The following FBXW11 variants were observed in gnomAD, a reference collection of about 807,000 sequenced individuals.
The protein encoded by FBXW11 is F-box and WD repeat domain containing 11, also known as F-box/WD repeat-containing protein 11.
FBXW11 carries 19 observed loss-of-function variants against 77.6 expected under a neutral mutation model. The observed-to-expected ratio is 0.24, with a 90% confidence interval of 0.17 to 0.36. FBXW11 has a LOEUF of 0.36. FBXW11 is among the 10% of genes least tolerant of loss of function. The pLI, the probability that FBXW11 is intolerant of heterozygous loss-of-function variation, is 1.00. For missense variants in FBXW11, 334 were observed against 704.2 expected (o/e 0.47, Z 5.95); for synonymous variants, 235 against 249.4 (o/e 0.94, Z 0.54).
chr5:171,884,938 T>C (rs1442691024), intron 7 of FBXW11, among the ~76,000 whole-genome samples: 1 of 152,212 alleles, frequency 6.6e-6, no homozygotes, highest in Non-Finnish European at 1.5e-5. Flanking sequence ...AAGGAAATGC[T>C]ATAAACAGGC....
At chr5:171,916,198 C>T (rs572201656) in intron 2 of FBXW11, among the ~76,000 whole-genome samples, 1 of 148,570 alleles carries the variant, frequency 6.7e-6, no homozygotes, top group African/African-American at 2.5e-5. Context: ...TGTAACAAAC[C>T]TGCACATTGT....
chr5:171,955,412 G>A (rs1561719038), intron 2 of FBXW11, among the ~76,000 whole-genome samples: 2 of 152,106 alleles, frequency 1.3e-5, no homozygotes, highest in Non-Finnish European at 2.9e-5. Flanking sequence ...TTGCTAAAAG[G>A]TGTGCAAAGG....
At chr5:171,958,478 A>T (rs1192437184) in intron 1 of FBXW11, among the ~76,000 whole-genome samples, 1 of 152,182 alleles carries the variant, frequency 6.6e-6, no homozygotes, top group Non-Finnish European at 1.5e-5. Context: ...GTGTCATCAC[A>T]TCTCCACCTT....
In FBXW11 at chr5:171,868,600, T is replaced by C. The variant is rs376839553; in HGVS notation, c.*25+10A>G. ...TCAGCAAAATTGGAAGGGGAGAGGATAGTACTCACCTGAAACGGGTGAAAG... is the reference window on the plus strand; with the variant it reads ...TCAGCAAAATTGGAAGGGGAGAGGACAGTACTCACCTGAAACGGGTGAAAG... On this transcript the variant is annotated intron_variant, in intron 13 of 13. Coordinates refer to ENST00000517395, the MANE Select transcript of FBXW11 (RefSeq NM_001378974.1). 40 of 1,595,002 alleles carry C rather than the reference T, an allele frequency of 2.5e-5. No individual in the cohort carries two copies. The highest frequency in any genetic ancestry group is 1.5e-4 in the African/African-American group (11 of 74,256).
In FBXW11 at chr5:171,876,135, G is replaced by C; in HGVS notation, c.1221+150C>G. On this transcript the variant is annotated intron_variant, in intron 9 of 13. Transcript: ENST00000517395. The surrounding 1 kb of genome is among the most constrained non-coding windows in gnomAD (Gnocchi z 4.2). The stretch of plus-strand genomic sequence containing the variant: ...CTCCTACCTTGCCTACAACTCTACA[G>C]ATATACAGAGTGGGATGGCCTCAAG... 1.2e-6 allele frequency: 1 copy of C among 857,066 alleles called. No individual in the cohort carries two copies. The highest frequency in any genetic ancestry group is 1.8e-6 in the Non-Finnish European group (1 of 550,560). The allele number at this position is 857,066 out of a possible 1,614,324, so 53.1% of individuals were successfully genotyped here.
At chr5:171,941,713 C>A (rs2113177450) in intron 2 of FBXW11, among the ~76,000 whole-genome samples, 1 of 151,628 alleles carries the variant, frequency 6.6e-6, no homozygotes, top group Middle Eastern at 3.4e-3. Flanking sequence ...GAGACTGTCT[C>A]AAAATAAATA....
intron 1 of FBXW11, among the ~76,000 whole-genome samples, chr5:171,978,512 T>C (rs577337212): frequency 2.6e-5 from 4 of 152,064 alleles, no homozygotes; most frequent in Non-Finnish European, 5.9e-5. Context: ...CAGCAAAGGC[T>C]AGTAGTAGGA....
chr5:171,943,672 A>G (rs182835059), intron 2 of FBXW11, among the ~76,000 whole-genome samples: 53 of 152,274 alleles, frequency 3.5e-4, no homozygotes, highest in African/African-American at 1.3e-3. Context: ...GATGGTCTCA[A>G]TCTCCTGACC....
chr5:171,966,531 C>G (rs1764199873), intron 1 of FBXW11, among the ~76,000 whole-genome samples: 1 of 152,178 alleles, frequency 6.6e-6, no homozygotes, highest in South Asian at 2.1e-4. Flanking sequence ...TCCGGCATAG[C>G]CACATGGATC....
chr5:171,897,593 TTCAA>T (rs1283069127), intron 6 of FBXW11, among the ~76,000 whole-genome samples: 1 of 152,190 alleles, frequency 6.6e-6, no homozygotes, highest in Non-Finnish European at 1.5e-5. Flanking sequence ...GTCATGAGGA[TTCAA>T]TCAAACTATC....
chr5:172,002,946 A>G (rs909691334), intron 1 of FBXW11, among the ~76,000 whole-genome samples: 2 of 151,350 alleles, frequency 1.3e-5, no homozygotes, highest in African/African-American at 2.4e-5. Context: ...CAATCCTCCC[A>G]CCTCCTAAAG....
chr5:171,877,650 A>G (rs1211768087), intron 8 of FBXW11, among the ~76,000 whole-genome samples: 2 of 151,666 alleles, frequency 1.3e-5, no homozygotes, highest in African/African-American at 4.8e-5. Context: ...TGCTTCAAGC[A>G]GGGGTGGCGA....
At chr5:171,906,611 G>C (rs984522634) in intron 4 of FBXW11, among the ~76,000 whole-genome samples, 3 of 152,122 alleles carry the variant, frequency 2.0e-5, no homozygotes, top group African/African-American at 7.2e-5. Flanking sequence ...GTACCCAATA[G>C]ATGCCAGGCA....
intron 2 of FBXW11, among the ~76,000 whole-genome samples, chr5:171,948,833 G>A (rs1046473298): frequency 1.3e-5 from 2 of 152,106 alleles, no homozygotes; most frequent in African/African-American, 4.8e-5. Flanking sequence ...CATACACATT[G>A]TTTTGGAAAC....
intron 7 of FBXW11, among the ~76,000 whole-genome samples, chr5:171,883,081 C>T (rs1283928376): frequency 1.3e-5 from 2 of 152,172 alleles, no homozygotes; most frequent in Non-Finnish European, 2.9e-5. Context: ...TAACAGTCTC[C>T]AATCTCATCC....
intron 1 of FBXW11, among the ~76,000 whole-genome samples, chr5:171,976,306 G>T (rs1348105553): frequency 3.3e-5 from 5 of 152,162 alleles, no homozygotes; most frequent in African/African-American, 7.2e-5. Context: ...AGATGGTACT[G>T]AAACAGAAAA....
At chr5:172,006,068 G>C (rs1023256465) in intron 1 of FBXW11, among the ~76,000 whole-genome samples, 1 of 152,168 alleles carries the variant, frequency 6.6e-6, no homozygotes, top group African/African-American at 2.4e-5. Flanking sequence ...GCCTGAGTGG[G>C]GCTTGCAAGC....
intron 6 of FBXW11, among the ~76,000 whole-genome samples, chr5:171,893,093 T>C (rs1436142574): frequency 6.6e-6 from 1 of 152,154 alleles, no homozygotes; most frequent in Non-Finnish European, 1.5e-5. Flanking sequence ...GCAGGAATCA[T>C]TGTTCGCATT....
intron 2 of FBXW11, among the ~76,000 whole-genome samples, chr5:171,947,566 T>G (rs1018935117): frequency 6.6e-6 from 1 of 151,940 alleles, no homozygotes; most frequent in Non-Finnish European, 1.5e-5. Flanking sequence ...AAGGTCCACT[T>G]CCTTTGACTC....
Sources: allele counts gnomAD v4.1 joint callset (sites outside exome capture counted in the v4.1 genomes callset), GRCh38; gene constraint gnomAD v4.1.1; non-coding constraint Gnocchi (gnomAD v3.1); transcripts MANE v1.5; gene names NCBI Gene and HGNC (gene_info 2026-07-23, HGNC 2026-07-21).